Variants in AKAP7 observed in about 807,000 individuals in gnomAD.
The protein encoded by AKAP7 is A kinase (PRKA) anchor protein 7.
In AKAP7, 39 loss-of-function variants were observed where a neutral mutation model predicts 39.5. That is an observed-to-expected ratio of 0.99 (90% confidence interval 0.76 to 1.29). The LOEUF is 1.29. Among genes scored for constraint, AKAP7 ranks in the 50% most tolerant of loss-of-function variants. AKAP7 has a pLI of 0.00. For missense variants in AKAP7, 414 were observed against 407.7 expected (o/e 1.02, Z -0.13); for synonymous variants, 140 against 139.1 (o/e 1.01, Z -0.05).
intron 7 of AKAP7, among the ~76,000 whole-genome samples, chr6:131,255,621 A>C (rs1413887746): frequency 6.6e-6 from 1 of 152,184 alleles, no homozygotes; most frequent in Non-Finnish European, 1.5e-5. Context: ...TGCAGTTCTT[A>C]CTGTAGACAG....
intron 2 of AKAP7, among the ~76,000 whole-genome samples, chr6:131,147,541 G>T (rs1801578545): frequency 6.6e-6 from 1 of 152,190 alleles, no homozygotes; most frequent in Admixed American, 6.5e-5. Context: ...TTAATTAGAA[G>T]ATACTCTTAG....
chr6:131,128,759 T>C, the AKAP7 span, among the ~76,000 whole-genome samples: 7 of 149,142 alleles, frequency 4.7e-5, no homozygotes, highest in Non-Finnish European at 1.0e-4. Flanking sequence ...GAGATGGAGG[T>C]TGCAGTGAGC....
Position 131,176,529 on chromosome 6 carries a change from A to C in AKAP7, c.589+7256A>C, listed in dbSNP as rs1019481265. On this transcript the variant is annotated intron_variant, in intron 5 of 7. Coordinates refer to ENST00000431975, the MANE Select transcript of AKAP7 (RefSeq NM_016377.4). ...GATTGCTAAAAATTTAGCCCACTAGAATTATAATAGTTCTTGCAAAACTTT... is the reference window on the plus strand; with the variant it reads ...GATTGCTAAAAATTTAGCCCACTAGCATTATAATAGTTCTTGCAAAACTTT... Among the ~76,000 whole-genome samples the C allele has an allele frequency of 4.5e-4, 68 of 152,138 alleles. 3 individuals are homozygous for C. The highest frequency in any genetic ancestry group is 2.6e-4 in the Admixed American group (4 of 15,262).
At position 131,269,789 on chromosome 6, in the gene AKAP7, A is replaced by G. The variant is rs140030228; in HGVS notation, c.851-11741A>G. Among the ~76,000 whole-genome samples, 507 of 152,250 alleles carry G rather than the reference A, an allele frequency of 3.3e-3. 6 individuals carry two copies. Among genetic ancestry groups the G allele is most frequent in the African/African-American group, 0.012 (479 of 41,552 alleles). On this transcript the variant is annotated intron_variant, in intron 7 of 7. Transcript: ENST00000431975. ...TGAGTCATATTTATGCTCAGAAACC[A>G]CCCCAGTCTATTTCAGTGGAAATTA...
At chr6:131,274,567 G>A (rs1023653622) in intron 7 of AKAP7, among the ~76,000 whole-genome samples, 45 of 152,128 alleles carry the variant, frequency 3.0e-4, no homozygotes, top group African/African-American at 1.1e-3. Flanking sequence ...TGAACTCATG[G>A]GCTCAAGCAA....
the AKAP7 span, among the ~76,000 whole-genome samples, chr6:131,128,822 C>CA: frequency 0.17 from 20,783 of 124,792 alleles, 2,550 homozygotes; most frequent in East Asian, 0.55. Context: ...AACTCCATCT[C>CA]AAAAAAAAAA....
chr6:131,182,193 T>A (rs559444712), intron 5 of AKAP7, among the ~76,000 whole-genome samples: 19 of 152,340 alleles, frequency 1.2e-4, no homozygotes, highest in Non-Finnish European at 2.4e-4. Context: ...TAACTTTTTT[T>A]AAACACATAG....
rs184655977 is a variant in AKAP7, at chr6:131,197,430, A to G, written c.590-2031A>G. ...TAGTTGTGGCAGTTCTTATTCTGCA[A>G]CACCATTATTTCTTCATATATTTTC... On this transcript the variant is annotated intron_variant, in intron 5 of 7. Coordinates refer to ENST00000431975, the MANE Select transcript of AKAP7 (RefSeq NM_016377.4). Among the ~76,000 whole-genome samples the G allele has an allele frequency of 4.3e-3, 659 of 152,266 alleles. 7 individuals carry two copies. The highest frequency in any genetic ancestry group is 6.5e-3 in the Non-Finnish European group (439 of 68,014).
chr6:131,164,110 G>A (rs1361097873), intron 3 of AKAP7, among the ~76,000 whole-genome samples: 1 of 152,140 alleles, frequency 6.6e-6, no homozygotes, highest in East Asian at 1.9e-4. Context: ...TATCAGAACA[G>A]TTTGCTATGC....
intron 3 of AKAP7, among the ~76,000 whole-genome samples, chr6:131,163,083 A>C (rs1304955940): frequency 6.6e-6 from 1 of 152,200 alleles, no homozygotes. Flanking sequence ...AATACTTAAA[A>C]ATAATAAATA....
At chr6:131,278,644 C>T (rs1270862750) in intron 7 of AKAP7, among the ~76,000 whole-genome samples, 1 of 152,118 alleles carries the variant, frequency 6.6e-6, no homozygotes, top group Non-Finnish European at 1.5e-5. Context: ...CTTACACGGC[C>T]AGAGCAGGAG....
intron 7 of AKAP7, among the ~76,000 whole-genome samples, chr6:131,272,919 C>G (rs1814412926): frequency 1.3e-5 from 2 of 152,260 alleles, no homozygotes; most frequent in African/African-American, 4.8e-5. Context: ...ATTTTATCAG[C>G]TCTTGAGAAT....
At chr6:131,222,872 G>A (rs965173678) in intron 7 of AKAP7, among the ~76,000 whole-genome samples, 1 of 152,178 alleles carries the variant, frequency 6.6e-6, no homozygotes, top group Non-Finnish European at 1.5e-5. Context: ...TTTCATGAAA[G>A]GAAGAGTCGA....
At chr6:131,137,956 C>G (rs916956747) in intron 1 of AKAP7, among the ~76,000 whole-genome samples, 6 of 152,158 alleles carry the variant, frequency 3.9e-5, no homozygotes, top group African/African-American at 1.4e-4. Context: ...TTTCTAAAAA[C>G]TTGGCATTTG....
chr6:131,258,447 A>G (rs1813040696), intron 7 of AKAP7, among the ~76,000 whole-genome samples: 1 of 152,170 alleles, frequency 6.6e-6, no homozygotes, highest in African/African-American at 2.4e-5. Context: ...AGAGTGAGTT[A>G]ATTACTACCC....
intron 5 of AKAP7, among the ~76,000 whole-genome samples, chr6:131,194,223 G>T (rs1806697271): frequency 6.6e-6 from 1 of 151,762 alleles, no homozygotes; most frequent in Non-Finnish European, 1.5e-5. Flanking sequence ...CATGGATTTT[G>T]TTGGTATGTT....
In AKAP7 at chr6:131,282,411, T is replaced by C. The variant is rs1585240597; in HGVS notation, c.*685T>C. ...TTTTTTTTCTTAGGCAAGAAACCTA[T>C]TGGAATTCGAGACTTAATTAATGAA... On this transcript the variant is annotated 3_prime_UTR_variant, in exon 8 of 8. Transcript: ENST00000431975. 1 of 1,477,384 alleles carries C rather than the reference T, an allele frequency of 6.8e-7. No individual in the cohort carries two copies. Among genetic ancestry groups the C allele is most frequent in the Non-Finnish European group, 8.9e-7 (1 of 1,123,860 alleles). 91.5% of individuals were successfully genotyped at this position (1,477,384 alleles called of 1,614,324 possible).
At chr6:131,209,281 C>T (rs776638034) in intron 6 of AKAP7, among the ~76,000 whole-genome samples, 4 of 151,752 alleles carry the variant, frequency 2.6e-5, no homozygotes, top group South Asian at 2.1e-4. Flanking sequence ...GATGGAGTCT[C>T]GCTCTGACTC....
rs1057292440 is a variant in AKAP7, at chr6:131,135,507, GGCTGCTGCGGCTGCCGCCGCC to G, written c.-248_-228del. 3.7e-4 allele frequency among the ~76,000 whole-genome samples: 55 copies of G among 146,928 alleles called. No individual in the cohort carries two copies. The highest frequency in any genetic ancestry group is 3.0e-3 in the East Asian group (15 of 5,074). ...GTCCGGCCTGGCATGCGGGTGCTGCGGCTGCTGCGGCTGCCGCCGCCGCTGCTGCCGCTGCCGCGGGGGCTG... is the reference window on the plus strand; with the variant it reads ...GTCCGGCCTGGCATGCGGGTGCTGCGGCTGCTGCCGCTGCCGCGGGGGCTG... On this transcript the variant is annotated 5_prime_UTR_variant, in exon 1 of 8. Coordinates refer to ENST00000431975, the MANE Select transcript of AKAP7 (RefSeq NM_016377.4).
Sources: gnomAD v4.1 joint callset for allele counts (sites outside exome capture counted in the v4.1 genomes callset) on GRCh38, gnomAD v4.1.1 for gene constraint, MANE v1.5 for transcripts, NCBI Gene and HGNC (gene_info 2026-07-23, HGNC 2026-07-21) for gene names.